The following NEDD4L variants were observed in gnomAD, a reference collection of about 807,000 sequenced individuals.
NEDD4L encodes E3 ubiquitin-protein ligase NEDD4-like.
Under a neutral mutation model 148.9 loss-of-function variants are expected in NEDD4L, and 54 were observed. The observed-to-expected ratio is 0.36, with a 90% confidence interval of 0.29 to 0.45. The LOEUF (loss-of-function observed/expected upper bound fraction) is 0.45, where lower values mean the gene tolerates loss of function less well. NEDD4L is among the 20% of genes least tolerant of loss of function. NEDD4L has a pLI of 1.00. For missense variants in NEDD4L, 856 were observed against 1,233.8 expected (o/e 0.69, Z 4.59); for synonymous variants, 433 against 440.7 (o/e 0.98, Z 0.22).
chr18:58,214,606 T>TG (rs1400773014), intron 2 of NEDD4L, among the ~76,000 whole-genome samples: 3 of 84,394 alleles, frequency 3.6e-5, no homozygotes, highest in African/African-American at 8.5e-5. Context: ...AGCTGCTCGG[T>TG]TTGTGTGTGT....
At chr18:58,189,446 T>C (rs1178710552) in intron 2 of NEDD4L, among the ~76,000 whole-genome samples, 1 of 152,158 alleles carries the variant, frequency 6.6e-6, no homozygotes, top group Non-Finnish European at 1.5e-5. Flanking sequence ...AAACCCTCGA[T>C]TTTCCTTGGG....
At chr18:58,111,529 C>A (rs1483104855) in intron 1 of NEDD4L, among the ~76,000 whole-genome samples, 1 of 152,128 alleles carries the variant, frequency 6.6e-6, no homozygotes, top group Non-Finnish European at 1.5e-5. Context: ...CTGAGTCATG[C>A]CATGTATGGT....
chr18:58,363,999 T>G (rs1179219188), intron 19 of NEDD4L, among the ~76,000 whole-genome samples: 1 of 152,194 alleles, frequency 6.6e-6, no homozygotes, highest in Non-Finnish European at 1.5e-5. Context: ...GAAAGCATGT[T>G]TAGTTTGTGT....
intron 2 of NEDD4L, among the ~76,000 whole-genome samples, chr18:58,169,550 T>A (rs367831096): frequency 4.0e-5 from 6 of 151,602 alleles, no homozygotes; most frequent in Admixed American, 2.0e-4. Flanking sequence ...CAAAACAGCT[T>A]AAAAAAAATG....
At chr18:58,150,087 G>T (rs555274700) in intron 1 of NEDD4L, among the ~76,000 whole-genome samples, 3 of 152,332 alleles carry the variant, frequency 2.0e-5, no homozygotes, top group South Asian at 2.1e-4. Flanking sequence ...CCTGTTAAGA[G>T]AATTTGATGA....
At chr18:58,268,521 T>C (rs2050557897) in intron 5 of NEDD4L, among the ~76,000 whole-genome samples, 1 of 151,994 alleles carries the variant, frequency 6.6e-6, no homozygotes, top group South Asian at 2.1e-4. Flanking sequence ...ATATTTTTAT[T>C]CCCTTCACCC....
At chr18:58,388,326 A>G (rs935892235) in intron 27 of NEDD4L, 1 of 152,212 alleles carries the variant, frequency 6.6e-6, no homozygotes, top group East Asian at 1.9e-4. Flanking sequence ...TGTCTATAGA[A>G]ATCATATACC....
intron 1 of NEDD4L, among the ~76,000 whole-genome samples, chr18:58,088,833 T>G (rs1243521101): frequency 6.6e-6 from 1 of 152,202 alleles, no homozygotes; most frequent in Non-Finnish European, 1.5e-5. Flanking sequence ...CGTATTTATA[T>G]TCTCCTTTAT....
In NEDD4L at chr18:58,351,015, T is replaced by G. The variant is rs1192500689; in HGVS notation, c.1678T>G (p.Leu560Val). Reference sequence around the variant, plus strand: ...GCCTGGCTGGGAAGAAAGAATTCACTTGGATGGCCGAACGTTTTATATTGA... The same window carrying G: ...GCCTGGCTGGGAAGAAAGAATTCACGTGGATGGCCGAACGTTTTATATTGA... ...LPPGWEERIH[L>V]DGRTFYIDHN... Residue 560 changes from leucine (L) to valine (V), a missense_variant, in exon 18 of 31, where the codon TTG becomes GTG. Transcript: ENST00000400345. 1.3e-6 allele frequency: 2 copies of G among 1,594,826 alleles called. No homozygotes were observed. Among genetic ancestry groups the G allele is most frequent in the African/African-American group, 2.7e-5 (2 of 74,640 alleles).
intron 19 of NEDD4L, among the ~76,000 whole-genome samples, chr18:58,357,800 C>G (rs549069380): frequency 6.6e-6 from 1 of 152,068 alleles, no homozygotes; most frequent in Non-Finnish European, 1.5e-5. Context: ...CTGATGCAGG[C>G]GTGATGACCT....
chr18:58,141,985 C>T (rs2033560118), intron 1 of NEDD4L, among the ~76,000 whole-genome samples: 1 of 149,358 alleles, frequency 6.7e-6, no homozygotes, highest in African/African-American at 2.5e-5. Context: ...GGAGCAGGCA[C>T]TGTGGGTTTT....
At chr18:58,390,836 G>A (rs566620000) in intron 29 of NEDD4L, 94 bp downstream of exon 29, 3 of 850,276 alleles carry the variant, frequency 3.5e-6, no homozygotes, top group East Asian at 5.3e-5. Flanking sequence ...GGCCTCTGCA[G>A]AAGGCTAAGT....
chr18:58,297,316 CA>C (rs1343911590), intron 5 of NEDD4L, among the ~76,000 whole-genome samples: 6 of 152,080 alleles, frequency 3.9e-5, no homozygotes, highest in Non-Finnish European at 7.4e-5. Flanking sequence ...ACGAGAGTGT[CA>C]AAAAATTCAG....
intron 2 of NEDD4L, among the ~76,000 whole-genome samples, chr18:58,197,129 A>C (rs2040804940): frequency 6.6e-6 from 1 of 152,126 alleles, no homozygotes; most frequent in African/African-American, 2.4e-5. Flanking sequence ...AGGAACAGCA[A>C]AGTGGTTTAG....
intron 1 of NEDD4L, among the ~76,000 whole-genome samples, chr18:58,143,240 G>C (rs2033743746): frequency 1.3e-5 from 2 of 152,164 alleles, no homozygotes; most frequent in Admixed American, 6.5e-5. Flanking sequence ...GGGAAACTGA[G>C]GCTTAATAAT....
intron 30 of NEDD4L, 22 bp downstream of exon 30, chr18:58,391,581 A>C (rs192223856): frequency 3.3e-6 from 5 of 1,524,116 alleles, no homozygotes; most frequent in Non-Finnish European, 4.5e-6. Flanking sequence ...AAACACATGC[A>C]TGTCAATGCA....
At chr18:58,337,799 A>G (rs1416175008) in intron 13 of NEDD4L, among the ~76,000 whole-genome samples, 9 of 152,114 alleles carry the variant, frequency 5.9e-5, no homozygotes, top group South Asian at 4.1e-4. Context: ...CTTTCTTTCT[A>G]TGATAGTGCT....
intron 2 of NEDD4L, among the ~76,000 whole-genome samples, chr18:58,235,203 G>A (rs1162669726): frequency 6.6e-6 from 1 of 152,090 alleles, no homozygotes; most frequent in East Asian, 1.9e-4. Flanking sequence ...ATACCAGTGA[G>A]CTCCACCATT....
chr18:58,219,546 G>A (rs1337996201), intron 2 of NEDD4L, among the ~76,000 whole-genome samples: 1 of 152,170 alleles, frequency 6.6e-6, no homozygotes, highest in Non-Finnish European at 1.5e-5. Flanking sequence ...CGGAGCCTGC[G>A]ATGAAGCAGG....
Sources: allele counts gnomAD v4.1 joint callset (sites outside exome capture counted in the v4.1 genomes callset), GRCh38; gene constraint gnomAD v4.1.1; transcripts MANE v1.5; gene names NCBI Gene and HGNC (gene_info 2026-07-23, HGNC 2026-07-21).